MME: variants seen among roughly 807,000 people sequenced by gnomAD.
MME encodes the protein neprilysin.
MME carries 98 observed loss-of-function variants against 113.2 expected under a neutral mutation model. That is an observed-to-expected ratio of 0.87 (90% CI 0.74 to 1.02). The LOEUF (loss-of-function observed/expected upper bound fraction) is 1.02, where lower values mean the gene tolerates loss of function less well. MME is among the 50% of genes least tolerant of loss of function. The pLI is 0.00. For synonymous variants in MME, 292 were observed against 300.6 expected, an observed-to-expected ratio of 0.97 and a Z score of 0.30; for missense variants, 836 against 896.0, an observed-to-expected ratio of 0.93 and a Z score of 0.86.
At chr3:155,149,572 T>C (rs1721769210) in intron 16 of MME, among the ~76,000 whole-genome samples, 1 of 152,134 alleles carries the variant, frequency 6.6e-6, no homozygotes, top group African/African-American at 2.4e-5. Flanking sequence ...CATTGGGTAC[T>C]GGGAGAATCA....
intron 4 of MME, 67 bp downstream of exon 4, chr3:155,115,222 A>G (rs1718502084): frequency 2.1e-5 from 33 of 1,555,372 alleles, no homozygotes; most frequent in Middle Eastern, 2.0e-4. Flanking sequence ...TAAATATACA[A>G]TTGTTAGCCA....
At chr3:155,028,066 C>T (rs1300286868) in intron 1 of MME, among the ~76,000 whole-genome samples, 3 of 152,064 alleles carry the variant, frequency 2.0e-5, no homozygotes, top group Non-Finnish European at 4.4e-5. Flanking sequence ...GGAATGGACT[C>T]AGTGAAAGGA....
intron 8 of MME, among the ~76,000 whole-genome samples, chr3:155,135,292 C>T (rs145310089): frequency 0.012 from 1,860 of 152,152 alleles, 69 homozygotes; most frequent in Admixed American, 0.081. Context: ...ATCTTTAATC[C>T]ATCTTGAGGT....
intron 17 of MME, 67 bp from the exon 18 acceptor site, chr3:155,166,835 T>C: frequency 1.2e-6 from 2 of 1,601,868 alleles, no homozygotes; most frequent in Non-Finnish European, 1.7e-6. Context: ...GAGGACTGTC[T>C]CTAAGAAAAT....
At chr3:155,141,333 T>C (rs1721073270) in intron 10 of MME, among the ~76,000 whole-genome samples, 1 of 152,196 alleles carries the variant, frequency 6.6e-6, no homozygotes, top group Non-Finnish European at 1.5e-5. Flanking sequence ...AAGTGATGTG[T>C]GCTTGTGTCT....
intron 9 of MME, 44 bp from the exon 10 acceptor site, chr3:155,140,147 A>G (rs1274979478): frequency 2.9e-6 from 4 of 1,391,964 alleles, no homozygotes; most frequent in East Asian, 2.5e-5. Context: ...ATTTTTCTAA[A>G]GAATTCTTAA....
intron 1 of MME, among the ~76,000 whole-genome samples, chr3:155,062,856 T>A (rs1714195316): frequency 1.3e-5 from 2 of 151,282 alleles, no homozygotes; most frequent in South Asian, 4.2e-4. Flanking sequence ...GCCAACATGG[T>A]GAAACCCTGT....
chr3:155,156,501 T>C (rs1186586101), intron 16 of MME, among the ~76,000 whole-genome samples: 1 of 152,156 alleles, frequency 6.6e-6, no homozygotes, highest in Non-Finnish European at 1.5e-5. Context: ...CCTATTCTTC[T>C]TAGTTTAAAT....
chr3:155,040,930 T>A (rs973604025), intron 1 of MME, among the ~76,000 whole-genome samples: 2 of 152,180 alleles, frequency 1.3e-5, no homozygotes, highest in Admixed American at 6.5e-5. Context: ...GCTCAAACCA[T>A]TAGAGAAAAT....
intron 17 of MME, among the ~76,000 whole-genome samples, 189 bp downstream of exon 17, chr3:155,160,637 G>T (rs1426712859): frequency 6.6e-6 from 1 of 151,908 alleles, no homozygotes; most frequent in East Asian, 1.9e-4. Context: ...ATTCAGATTG[G>T]TACAAATCAC....
upstream of MME, among the ~76,000 whole-genome samples, chr3:155,075,914 T>C (rs1016709060): frequency 5.3e-5 from 8 of 152,210 alleles, no homozygotes; most frequent in African/African-American, 1.9e-4. Context: ...TTTATCACCA[T>C]TCTTTTATTT....
At chr3:155,111,460 T>A (rs1477901738) in intron 3 of MME, among the ~76,000 whole-genome samples, 1 of 152,200 alleles carries the variant, frequency 6.6e-6, no homozygotes, top group African/African-American at 2.4e-5. Context: ...GCTCTGCACA[T>A]CCCTCACAAA....
intron 9 of MME, among the ~76,000 whole-genome samples, chr3:155,138,499 C>T (rs1036067439): frequency 6.6e-6 from 1 of 152,152 alleles, no homozygotes; most frequent in Non-Finnish European, 1.5e-5. Context: ...TAAGTGGATT[C>T]CATCAGAATT....
At chr3:155,113,597 G>A (rs1337567282) in intron 3 of MME, among the ~76,000 whole-genome samples, 2 of 152,142 alleles carry the variant, frequency 1.3e-5, no homozygotes, top group Non-Finnish European at 2.9e-5. Flanking sequence ...ACATTTTTCA[G>A]CAAGGTTGTG....
At chr3:155,172,333 A>C in intron 21 of MME, 121 bp downstream of exon 21, 1 of 811,430 alleles carries the variant, frequency 1.2e-6, no homozygotes, top group Non-Finnish European at 2.1e-6. Context: ...ATTCACTTTC[A>C]TTGTTTATAA....
upstream of MME, among the ~76,000 whole-genome samples, chr3:155,076,908 G>A (rs1714766625): frequency 6.6e-6 from 1 of 152,138 alleles, no homozygotes; most frequent in East Asian, 1.9e-4. Context: ...TGAGCAGTGA[G>A]GACCACCAGC....
chr3:155,124,907 T>C (rs1397665348), intron 8 of MME, among the ~76,000 whole-genome samples: 73 of 152,186 alleles, frequency 4.8e-4, no homozygotes, highest in Admixed American at 1.8e-3. Flanking sequence ...GTGGAGCCTA[T>C]AGTGGCAGGC....
At chr3:155,074,992 T>C (rs779050168), upstream of MME, among the ~76,000 whole-genome samples, 3 of 152,042 alleles carry the variant, frequency 2.0e-5, no homozygotes, top group Non-Finnish European at 2.9e-5. Context: ...AATATTGTTA[T>C]CCAGATCTTC....
At chr3:155,057,190 C>T (rs1713961916) in intron 1 of MME, among the ~76,000 whole-genome samples, 2 of 152,100 alleles carry the variant, frequency 1.3e-5, no homozygotes, top group African/African-American at 2.4e-5. Context: ...TTTTCGCAAC[C>T]TACTCATCTG....
Sources: allele counts gnomAD v4.1 joint callset (sites outside exome capture counted in the v4.1 genomes callset), GRCh38; gene constraint gnomAD v4.1.1; transcripts MANE v1.5; gene names NCBI Gene and HGNC (gene_info 2026-07-23, HGNC 2026-07-21).